Variants in VEPH1 observed in about 807,000 individuals in gnomAD.
VEPH1 encodes the protein ventricular zone-expressed PH domain-containing protein homolog 1.
VEPH1 carries 80 observed loss-of-function variants against 85.2 expected under a neutral mutation model. The ratio of observed to expected loss-of-function variants is 0.94; its 90% CI spans 0.78 to 1.13. The LOEUF is 1.13. VEPH1 is among the 50% of genes most tolerant of loss of function. The probability of loss-of-function intolerance (pLI) is 0.00; values close to 1 mark genes in which losing one functional copy is unlikely to be tolerated. For missense variants in VEPH1, 955 were observed against 980.5 expected, an observed-to-expected ratio of 0.97 and a Z score of 0.35; for synonymous variants, 297 against 348.0, an observed-to-expected ratio of 0.85 and a Z score of 1.63.
At position 157,444,747 on chromosome 3, in the gene VEPH1, A is replaced by G. The variant is rs530008102; in HGVS notation, c.529+15434T>C. 1.3e-4 allele frequency among the ~76,000 whole-genome samples: 20 copies of G among 152,388 alleles called. No individual in the cohort carries two copies. The East Asian group carries it at 3.7e-3, about 28-fold the overall frequency. On this transcript the variant is annotated intron_variant, in intron 4 of 13. Transcript: ENST00000362010. ...CAGGCCGAGATAAATGCAAACTCAT[A>G]TGCTGACAGAATTTAATATAAGAAA...
chr3:157,371,581 C>T (rs1389067542), intron 7 of VEPH1, among the ~76,000 whole-genome samples: 1 of 152,124 alleles, frequency 6.6e-6, no homozygotes, highest in Non-Finnish European at 1.5e-5. Flanking sequence ...TCAGAATGTG[C>T]ACTTTAATAC....
At chr3:157,467,344 G>C (rs1340759695) in intron 3 of VEPH1, among the ~76,000 whole-genome samples, 1 of 151,870 alleles carries the variant, frequency 6.6e-6, no homozygotes, top group Non-Finnish European at 1.5e-5. Flanking sequence ...CTTCCATTTT[G>C]TGTAAAGCTA....
chr3:157,371,348 A>C (rs1026615510), intron 7 of VEPH1, among the ~76,000 whole-genome samples: 1 of 152,248 alleles, frequency 6.6e-6, no homozygotes, highest in Admixed American at 6.5e-5. Flanking sequence ...AAAAGCCATG[A>C]TACAAGGAAG....
intron 4 of VEPH1, 64 bp from the exon 5 acceptor site, chr3:157,428,552 A>G: frequency 1.3e-6 from 2 of 1,497,710 alleles, no homozygotes; most frequent in South Asian, 2.4e-5. Flanking sequence ...AAATAACATT[A>G]TTACCAATGT....
At chr3:157,470,674 C>G in intron 2 of VEPH1, 145 bp from the exon 3 acceptor site, 1 of 687,392 alleles carries the variant, frequency 1.5e-6, no homozygotes, top group South Asian at 1.8e-5. Context: ...ACAATAAAGG[C>G]TTCCTTCCTT....
At chr3:157,407,581 C>A (rs1029427168) in intron 6 of VEPH1, among the ~76,000 whole-genome samples, 5 of 152,090 alleles carry the variant, frequency 3.3e-5, no homozygotes, top group Admixed American at 6.6e-5. Flanking sequence ...TGGTTGTCTA[C>A]GGTGCCTCAT....
chr3:157,304,804 G>C (rs981229270), intron 11 of VEPH1, among the ~76,000 whole-genome samples: 10 of 151,938 alleles, frequency 6.6e-5, no homozygotes, highest in African/African-American at 2.4e-4. Flanking sequence ...CCATCAACTA[G>C]AGCTATATCA....
intron 9 of VEPH1, among the ~76,000 whole-genome samples, chr3:157,318,251 C>T (rs73018206): frequency 0.018 from 2,681 of 152,248 alleles, 87 homozygotes; most frequent in African/African-American, 0.062. Context: ...TAGAGTCATA[C>T]TGATAGTTAA....
At chr3:157,464,940 T>C (rs903336188) in intron 3 of VEPH1, among the ~76,000 whole-genome samples, 4 of 152,222 alleles carry the variant, frequency 2.6e-5, no homozygotes, top group Non-Finnish European at 5.9e-5. Flanking sequence ...TGGATTTACA[T>C]ATAAAATGGT....
At chr3:157,320,918 C>A (rs1721277487) in intron 9 of VEPH1, among the ~76,000 whole-genome samples, 6 of 152,078 alleles carry the variant, frequency 3.9e-5, no homozygotes, top group Admixed American at 3.9e-4. Flanking sequence ...GTTATTCCTG[C>A]AAGGCATTCA....
chr3:157,452,663 T>C (rs1421598323), intron 4 of VEPH1, among the ~76,000 whole-genome samples: 2 of 119,370 alleles, frequency 1.7e-5, no homozygotes, highest in Admixed American at 9.2e-5. Flanking sequence ...TCTAAACATC[T>C]ATATGTACAT....
chr3:157,302,830 C>T (rs1718971258), intron 11 of VEPH1, among the ~76,000 whole-genome samples: 1 of 152,180 alleles, frequency 6.6e-6, no homozygotes. Context: ...CTCCACTCTC[C>T]CCTTTGTTCA....
chr3:157,303,174 T>A (rs1719032707), intron 11 of VEPH1, among the ~76,000 whole-genome samples: 1 of 152,216 alleles, frequency 6.6e-6, no homozygotes, highest in Admixed American at 6.5e-5. Flanking sequence ...TTTGTTTTTT[T>A]GTTTCAAGGC....
chr3:157,457,939 G>A (rs1379274427), intron 4 of VEPH1, among the ~76,000 whole-genome samples: 2 of 152,100 alleles, frequency 1.3e-5, no homozygotes, highest in African/African-American at 2.4e-5. Context: ...AGCAGGAATG[G>A]TACCAGCTCT....
intron 6 of VEPH1, among the ~76,000 whole-genome samples, chr3:157,395,976 G>A (rs1257209730): frequency 5.9e-5 from 9 of 152,144 alleles, no homozygotes; most frequent in African/African-American, 1.2e-4. Flanking sequence ...CAGGATGTGC[G>A]GGTTTGTTAC....
At chr3:157,331,798 C>T (rs1378301625) in intron 9 of VEPH1, among the ~76,000 whole-genome samples, 2 of 152,144 alleles carry the variant, frequency 1.3e-5, no homozygotes, top group Non-Finnish European at 2.9e-5. Context: ...GAAACTTTAT[C>T]AACATTGTTC....
intron 12 of VEPH1, among the ~76,000 whole-genome samples, chr3:157,283,810 A>T (rs1208349327): frequency 6.6e-6 from 1 of 152,232 alleles, no homozygotes; most frequent in African/African-American, 2.4e-5. Context: ...ACTTGAAAAC[A>T]ATTACTGTAT....
chr3:157,269,643 T>TTTG (rs1714267594), intron 12 of VEPH1, among the ~76,000 whole-genome samples: 1 of 17,872 alleles, frequency 5.6e-5, no homozygotes, highest in Non-Finnish European at 1.2e-4. Context: ...GTTTTTGTTG[T>TTTG]TTTTTTTTTT....
chr3:157,444,546 C>T (rs912949403), intron 4 of VEPH1, among the ~76,000 whole-genome samples: 1 of 152,176 alleles, frequency 6.6e-6, no homozygotes, highest in Non-Finnish European at 1.5e-5. Flanking sequence ...TAATTCAAGG[C>T]TCTAGGCACA....
Sources: allele counts gnomAD v4.1 joint callset (sites outside exome capture counted in the v4.1 genomes callset), GRCh38; gene constraint gnomAD v4.1.1; transcripts MANE v1.5; gene names NCBI Gene and HGNC (gene_info 2026-07-23, HGNC 2026-07-21).